STYXL2: variants seen among roughly 807,000 people sequenced by gnomAD.
STYXL2 encodes the protein serine/threonine/tyrosine-interacting-like protein 2.
STYXL2 carries 44 observed loss-of-function variants against 52.4 expected under a neutral mutation model. The observed-to-expected ratio is 0.84, with a 90% confidence interval of 0.66 to 1.08. STYXL2 has a LOEUF of 1.08. Among genes scored for constraint, STYXL2 ranks in the 50% least tolerant of loss-of-function variants. The pLI, the probability that STYXL2 is intolerant of heterozygous loss-of-function variation, is 0.00. For missense variants in STYXL2, 1,604 were observed against 1,471.7 expected (o/e 1.09, Z -1.47); for synonymous variants, 604 against 586.9 (o/e 1.03, Z -0.42).
rs560496509 is a variant in STYXL2 at position 167,097,323 on chromosome 1, C to T, written c.110+2364C>T. Among the ~76,000 whole-genome samples, 77 of 152,292 alleles carry T rather than the reference C, an allele frequency of 5.1e-4. 2 individuals carry two copies. The highest frequency in any genetic ancestry group is 3.4e-3 in the Middle Eastern group (1 of 294). On this transcript the variant is annotated intron_variant, in intron 2 of 5. Transcript: ENST00000361200. ...GAAGTTCCTGGTTTCTTTGAAAATA[C>T]GACCCTTTCAAAAACTCAATAGGTT...
intron 2 of STYXL2, among the ~76,000 whole-genome samples, chr1:167,106,662 T>C (rs1667511189): frequency 1.3e-5 from 2 of 152,236 alleles, no homozygotes; most frequent in Admixed American, 1.3e-4. Flanking sequence ...TCTGGGGCTT[T>C]GATTCTAGTT....
intron 2 of STYXL2, among the ~76,000 whole-genome samples, chr1:167,108,647 A>G (rs539988429): frequency 8.1e-4 from 123 of 151,898 alleles, no homozygotes; most frequent in African/African-American, 2.7e-3. Flanking sequence ...TATGGGGGGG[A>G]AAAATGGCAG....
chr1:167,122,560 C>T (rs572065855), intron 5 of STYXL2, among the ~76,000 whole-genome samples: 1 of 152,134 alleles, frequency 6.6e-6, no homozygotes, highest in South Asian at 2.1e-4. Context: ...GGGTATAGCA[C>T]AATTGCCTGC....
chr1:167,109,411 C>G (rs1436387201), intron 2 of STYXL2, among the ~76,000 whole-genome samples: 4 of 152,148 alleles, frequency 2.6e-5, no homozygotes, highest in African/African-American at 9.7e-5. Flanking sequence ...CCACTGCCAG[C>G]TTTACCCCCA....
intron 5 of STYXL2, among the ~76,000 whole-genome samples, chr1:167,122,752 G>C (rs560093032): frequency 6.6e-5 from 10 of 151,790 alleles, no homozygotes; most frequent in Non-Finnish European, 1.0e-4. Flanking sequence ...CACTACCTCC[G>C]CCTCCCAGAT....
At chr1:167,111,745 G>C (rs984483053) in intron 2 of STYXL2, among the ~76,000 whole-genome samples, 1 of 151,750 alleles carries the variant, frequency 6.6e-6, no homozygotes, top group African/African-American at 2.4e-5. Context: ...GGACTTGAGG[G>C]GAAGGATGGG....
intron 5 of STYXL2, among the ~76,000 whole-genome samples, chr1:167,120,745 G>A (rs1036708494): frequency 1.3e-5 from 2 of 150,920 alleles, no homozygotes; most frequent in Admixed American, 6.6e-5. Flanking sequence ...GCCTCCCAAA[G>A]TGCTGAGATT....
intron 3 of STYXL2, 43 bp from the exon 4 acceptor site, chr1:167,117,285 A>G: frequency 6.6e-7 from 1 of 1,508,706 alleles, no homozygotes; most frequent in Non-Finnish European, 9.0e-7. Flanking sequence ...GAAGGCCATG[A>G]TGTTCCTAAC....
At chr1:167,125,055 A>C (rs1370667982) in intron 5 of STYXL2, among the ~76,000 whole-genome samples, 2 of 152,244 alleles carry the variant, frequency 1.3e-5, no homozygotes, top group Non-Finnish European at 2.9e-5. Flanking sequence ...TGAAGGACTC[A>C]AAATAGCCAG....
At chr1:167,105,447 C>G (rs910568140) in intron 2 of STYXL2, among the ~76,000 whole-genome samples, 1 of 152,136 alleles carries the variant, frequency 6.6e-6, no homozygotes, top group Non-Finnish European at 1.5e-5. Context: ...CTTTCTTGAA[C>G]AGCCAGCCCT....
At chr1:167,115,451 A>G (rs1667704785) in intron 3 of STYXL2, among the ~76,000 whole-genome samples, 1 of 152,214 alleles carries the variant, frequency 6.6e-6, no homozygotes. Flanking sequence ...TGAAGTGTGA[A>G]CCAGAGACCT....
intron 2 of STYXL2, among the ~76,000 whole-genome samples, chr1:167,103,007 C>T (rs1396385270): frequency 7.5e-6 from 1 of 133,906 alleles, no homozygotes; most frequent in Non-Finnish European, 1.7e-5. Context: ...TGAAATCAAG[C>T]TGGTGACAGA....
chr1:167,128,715 C>A lies in STYXL2; in HGVS notation c.*107C>A. The A allele has an allele frequency of 6.9e-7, 1 of 1,449,668 alleles. No individual in the cohort carries two copies. The highest frequency in any genetic ancestry group is 9.0e-7 in the Non-Finnish European group (1 of 1,108,866). The allele number at this position is 1,449,668 out of a possible 1,614,324, so 89.8% of individuals were successfully genotyped here. A position where few individuals can be genotyped will look rare whatever the true frequency, so the allele number is the denominator to read the frequency against. Reference sequence around the variant, plus strand: ...AGGATGAGGATACAGAGAGGATCTTCCAGAGGGGCAGAGCCAAAATGAGAG... The same window carrying A: ...AGGATGAGGATACAGAGAGGATCTTACAGAGGGGCAGAGCCAAAATGAGAG... On this transcript the variant is annotated 3_prime_UTR_variant, in exon 6 of 6. Transcript: ENST00000361200.
intron 2 of STYXL2, among the ~76,000 whole-genome samples, chr1:167,111,513 TACACACACACACACAC>T (rs767623370): frequency 4.0e-5 from 2 of 50,126 alleles, no homozygotes; most frequent in Non-Finnish European, 6.5e-5. Flanking sequence ...TATATATATA[TACACACACACACACAC>T]AAATATATAT....
At chr1:167,105,761 G>A (rs1251478163) in intron 2 of STYXL2, among the ~76,000 whole-genome samples, 1 of 152,180 alleles carries the variant, frequency 6.6e-6, no homozygotes, top group Non-Finnish European at 1.5e-5. Context: ...CCCCCTCATG[G>A]CGGCTGACTC....
intron 3 of STYXL2, 58 bp from the exon 4 acceptor site, chr1:167,117,270 A>C (rs1325287190): frequency 7.6e-6 from 11 of 1,452,534 alleles, no homozygotes; most frequent in Non-Finnish European, 5.7e-6. Context: ...CTCCCCAGGA[A>C]CAAGGAAGGC....
intron 2 of STYXL2, among the ~76,000 whole-genome samples, chr1:167,097,221 T>C (rs574701178): frequency 6.6e-6 from 1 of 152,230 alleles, no homozygotes; most frequent in Non-Finnish European, 1.5e-5. Context: ...TGTATAGCTT[T>C]TGCAGACTGT....
chr1:167,115,402 A>C (rs574085347), intron 3 of STYXL2, among the ~76,000 whole-genome samples: 47 of 152,234 alleles, frequency 3.1e-4, no homozygotes, highest in Non-Finnish European at 6.0e-4. Context: ...GGTAATAGAA[A>C]GAAATTGATG....
intron 5 of STYXL2, among the ~76,000 whole-genome samples, chr1:167,124,406 T>C (rs7528834): frequency 0.36 from 54,080 of 152,064 alleles, 10,314 homozygotes; most frequent in East Asian, 0.74. Flanking sequence ...TTAGAGAGGA[T>C]TTTTAACTGA....
Sources: gnomAD v4.1 joint callset for allele counts (sites outside exome capture counted in the v4.1 genomes callset) on GRCh38, gnomAD v4.1.1 for gene constraint, MANE v1.5 for transcripts, NCBI Gene and HGNC (gene_info 2026-07-23, HGNC 2026-07-21) for gene names.